The following OR7E24 variants were observed in gnomAD, a reference collection of about 807,000 sequenced individuals.
OR7E24 encodes the protein olfactory receptor 7E24.
For synonymous variants in OR7E24, 130 were observed against 157.5 expected, an observed-to-expected ratio of 0.83 and a Z score of 1.31; for missense variants, 385 against 410.3, an observed-to-expected ratio of 0.94 and a Z score of 0.53.
chr19:9,239,076 C>A, the OR7E24 span, among the ~76,000 whole-genome samples: 3 of 152,172 alleles, frequency 2.0e-5, no homozygotes, highest in Non-Finnish European at 2.9e-5. Flanking sequence ...TTAGAAGGAA[C>A]CTTCATACTG....
chr19:9,226,102 T>C, the OR7E24 span, among the ~76,000 whole-genome samples: 1 of 152,228 alleles, frequency 6.6e-6, no homozygotes, highest in African/African-American at 2.4e-5. Flanking sequence ...CTCCTTGGCA[T>C]GAGAGCCCTG....
At chr19:9,231,682 T>C in the OR7E24 span, among the ~76,000 whole-genome samples, 2 of 152,294 alleles carry the variant, frequency 1.3e-5, no homozygotes, top group East Asian at 1.9e-4. Flanking sequence ...TTATTTTGCA[T>C]TGTGTTTGTG....
chr19:9,241,515 C>T, the OR7E24 span, among the ~76,000 whole-genome samples: 1 of 152,106 alleles, frequency 6.6e-6, no homozygotes, highest in Non-Finnish European at 1.5e-5. Flanking sequence ...CTTGTAATCC[C>T]AGCACTTTGG....
chr19:9,207,856 CCA>C, the OR7E24 span: 2 of 152,054 alleles, frequency 1.3e-5, no homozygotes, highest in Non-Finnish European at 2.9e-5. Context: ...TACTTTGCGA[CCA>C]CCTTCTAGTA....
At chr19:9,242,897 C>G (rs904803324), upstream of OR7E24, among the ~76,000 whole-genome samples, 2 of 151,746 alleles carry the variant, frequency 1.3e-5, no homozygotes, top group African/African-American at 4.8e-5. Context: ...TCATTCCCTC[C>G]TCTTTCTTCT....
At chr19:9,207,553 G>A in the OR7E24 span, 1 of 152,134 alleles carries the variant, frequency 6.6e-6, no homozygotes, top group African/African-American at 2.4e-5. Flanking sequence ...ATGTTTACAG[G>A]GTACAAAAAT....
At chr19:9,238,503 G>A in the OR7E24 span, among the ~76,000 whole-genome samples, 3 of 151,940 alleles carry the variant, frequency 2.0e-5, no homozygotes, top group Non-Finnish European at 2.9e-5. Flanking sequence ...CAGAATACTC[G>A]ACCCTTATCA....
upstream of OR7E24, among the ~76,000 whole-genome samples, chr19:9,244,278 T>C (rs2066123583): frequency 6.6e-6 from 1 of 152,208 alleles, no homozygotes; most frequent in African/African-American, 2.4e-5. Context: ...AGGTCTCACA[T>C]TTCCTGGTTT....
the OR7E24 span, among the ~76,000 whole-genome samples, chr19:9,234,394 A>T: frequency 6.6e-6 from 1 of 152,340 alleles, no homozygotes; most frequent in Admixed American, 6.5e-5. Flanking sequence ...TGAGACTCTT[A>T]TTGTACACAA....
chr19:9,235,961 T>C, the OR7E24 span: 76 of 1,611,324 alleles, frequency 4.7e-5, no homozygotes, highest in East Asian at 1.8e-4. Flanking sequence ...AGCAGCTCCA[T>C]GGCCTCAGTG....
chr19:9,242,069 A>G, the OR7E24 span, among the ~76,000 whole-genome samples: 1 of 152,144 alleles, frequency 6.6e-6, no homozygotes, highest in Non-Finnish European at 1.5e-5. Flanking sequence ...CTTTCCTCAA[A>G]AATTACCCAT....
the OR7E24 span, chr19:9,213,110 C>T: frequency 6.6e-6 from 1 of 152,188 alleles, no homozygotes; most frequent in Non-Finnish European, 1.5e-5. Context: ...CAAGCACTGT[C>T]CTGATATTGT....
the OR7E24 span, among the ~76,000 whole-genome samples, chr19:9,231,896 T>C: frequency 6.6e-6 from 1 of 152,208 alleles, no homozygotes; most frequent in Admixed American, 6.5e-5. Flanking sequence ...AATTTCTGTT[T>C]TGTGTTATGG....
the OR7E24 span, chr19:9,213,820 AAAGAGCCGGAT>A: frequency 9.8e-7 from 1 of 1,024,414 alleles, no homozygotes; most frequent in Non-Finnish European, 1.5e-6. Flanking sequence ...TAAAAGAGAA[AAAGAGCCGGAT>A]ATTTAAACCC....
chr19:9,235,530 A>C, the OR7E24 span: 1 of 1,547,496 alleles, frequency 6.5e-7, no homozygotes, highest in South Asian at 1.1e-5. Context: ...TCTGCCACCC[A>C]CTGCAGTACA....
At chr19:9,248,173 AG>A (rs1374292201), upstream of OR7E24, among the ~76,000 whole-genome samples, 1 of 152,282 alleles carries the variant, frequency 6.6e-6, no homozygotes, top group East Asian at 1.9e-4. Context: ...CACAACAAAA[AG>A]TTTATAAAGG....
At chr19:9,236,229 A>G in the OR7E24 span, 1 of 587,536 alleles carries the variant, frequency 1.7e-6, no homozygotes, top group Non-Finnish European at 3.0e-6. Flanking sequence ...ATGTTTTTGT[A>G]TGGCCGGGCA....
At chr19:9,239,216 C>T in the OR7E24 span, among the ~76,000 whole-genome samples, 2 of 151,912 alleles carry the variant, frequency 1.3e-5, no homozygotes, top group Admixed American at 6.6e-5. Context: ...GTTGCCCAGG[C>T]TGGAGTGCAG....
chr19:9,243,567 C>G (rs1040584495), upstream of OR7E24, among the ~76,000 whole-genome samples: 1 of 152,062 alleles, frequency 6.6e-6, no homozygotes, highest in Non-Finnish European at 1.5e-5. Context: ...CCTTGGCTTC[C>G]TGAAGCACTG....
Sources: gnomAD v4.1 joint callset for allele counts (sites outside exome capture counted in the v4.1 genomes callset) on GRCh38, gnomAD v4.1.1 for gene constraint, MANE v1.5 for transcripts, NCBI Gene and HGNC (gene_info 2026-07-23, HGNC 2026-07-21) for gene names.